IMPG2: variants seen among roughly 807,000 people sequenced by gnomAD.
The protein encoded by IMPG2 is interphotoreceptor matrix proteoglycan 2, also known as IPM 200.
Under a neutral mutation model 129.2 loss-of-function variants are expected in IMPG2, and 91 were observed. The ratio of observed to expected loss-of-function variants is 0.70; its 90% CI spans 0.59 to 0.84. The LOEUF is 0.84. IMPG2 is among the 40% of genes least tolerant of loss of function. The pLI is 0.00. For synonymous variants in IMPG2, 510 were observed against 517.7 expected (o/e 0.99, Z 0.20); for missense variants, 1,430 against 1,461.7 (o/e 0.98, Z 0.35).
At chr3:101,276,543 A>C (rs1706842016) in intron 5 of IMPG2, 121 bp downstream of exon 5, 1 of 712,234 alleles carries the variant, frequency 1.4e-6, no homozygotes, top group African/African-American at 1.8e-5. Flanking sequence ...TGAAAAACGT[A>C]TTAAAAAAGA....
At chr3:101,318,152 TAATAATAATA>T (rs1329588782) in intron 2 of IMPG2, among the ~76,000 whole-genome samples, 2 of 10,298 alleles carry the variant, frequency 1.9e-4, no homozygotes, top group Admixed American at 1.0e-3. Context: ...TAGTAATAAA[TAATAATAATA>T]ATAATAATAA....
At chr3:101,309,904 G>A (rs1193012352) in intron 2 of IMPG2, among the ~76,000 whole-genome samples, 1 of 152,178 alleles carries the variant, frequency 6.6e-6, no homozygotes, top group Non-Finnish European at 1.5e-5. Context: ...AATGGGCTGA[G>A]TGAAAGAAGC....
chr3:101,258,990 T>C (rs1009159364), intron 9 of IMPG2, among the ~76,000 whole-genome samples: 1 of 152,176 alleles, frequency 6.6e-6, no homozygotes, highest in Non-Finnish European at 1.5e-5. Context: ...CTTAGAGCAG[T>C]TAAAAGACTT....
intron 3 of IMPG2, among the ~76,000 whole-genome samples, chr3:101,295,178 G>C (rs567940389): frequency 6.6e-6 from 1 of 152,300 alleles, no homozygotes; most frequent in East Asian, 1.9e-4. Flanking sequence ...GAATGGTATT[G>C]CCTAGGTTTT....
intron 3 of IMPG2, among the ~76,000 whole-genome samples, chr3:101,298,263 A>G (rs929806067): frequency 3.0e-4 from 45 of 150,474 alleles, no homozygotes; most frequent in African/African-American, 1.1e-3. Flanking sequence ...TAAATTTTCC[A>G]TCCCTTTATT....
At chr3:101,296,523 T>C (rs1289618710) in intron 3 of IMPG2, among the ~76,000 whole-genome samples, 1 of 152,162 alleles carries the variant, frequency 6.6e-6, no homozygotes, top group Non-Finnish European at 1.5e-5. Context: ...GCCTAAAGTT[T>C]TCTTTTTTTG....
chr3:101,239,605 A>G (rs1293007123), intron 14 of IMPG2, among the ~76,000 whole-genome samples: 4 of 152,248 alleles, frequency 2.6e-5, no homozygotes, highest in African/African-American at 9.6e-5. Context: ...ATTCTACTAT[A>G]AAGACACATG....
At chr3:101,276,927 T>C (rs576724845) in intron 4 of IMPG2, among the ~76,000 whole-genome samples, 1 of 152,316 alleles carries the variant, frequency 6.6e-6, no homozygotes, top group Non-Finnish European at 1.5e-5. Context: ...TCACCCTACC[T>C]AGAATTCTTC....
intron 11 of IMPG2, among the ~76,000 whole-genome samples, chr3:101,247,474 G>A (rs938632450): frequency 1.5e-4 from 23 of 152,176 alleles, no homozygotes; most frequent in African/African-American, 5.3e-4. Flanking sequence ...GCACATGCCT[G>A]TAATCCCAAC....
intron 12 of IMPG2, among the ~76,000 whole-genome samples, chr3:101,245,169 C>G (rs1706462381): frequency 6.6e-6 from 1 of 152,046 alleles, no homozygotes; most frequent in Admixed American, 6.6e-5. Context: ...CTCATTTTGC[C>G]TGTTATGTTT....
intron 5 of IMPG2, 21 bp from the exon 6 acceptor site, chr3:101,275,766 A>G (rs1706834665): frequency 6.5e-7 from 1 of 1,542,772 alleles, no homozygotes; most frequent in Non-Finnish European, 9.0e-7. Context: ...AAGCAAAAAC[A>G]TATGCATGAA....
rs1175004868 is a variant in IMPG2 at position 101,319,744 on chromosome 3, T to C, written c.174A>G (p.Leu58=). 1.2e-6 allele frequency: 2 copies of C among 1,613,634 alleles called. No individual in the cohort carries two copies. Among genetic ancestry groups the C allele is most frequent in the South Asian group, 1.1e-5 (1 of 91,078 alleles). The change falls in exon 2 of 19, where the codon CTA becomes CTG. Residue 58 remains leucine (L), a synonymous_variant. Coordinates refer to ENST00000193391, the MANE Select transcript of IMPG2 (RefSeq NM_016247.4). ...CCAGAGGCTGTTTCTTTTTGGTAGC[T>C]AGAGAAAGGTCTGTTGATTCTTCAG... ...LLPEESTDLS[L]ATKKKQPLDR...
At position 101,226,243 on chromosome 3, in the gene IMPG2, A is replaced by ATATATATATATATATATATATATATATT. The variant is rs1706221505; in HGVS notation, c.*725_*726insAATATATATATATATATATATATATATA. 2 of 15,546 alleles carry ATATATATATATATATATATATATATATT rather than the reference A, an allele frequency of 1.3e-4. No homozygotes were observed. The highest frequency in any genetic ancestry group is 3.7e-4 in the African/African-American group (2 of 5,464). The allele number at this position is 15,546 out of a possible 1,614,324, so 1.0% of individuals were successfully genotyped here. A position where few individuals can be genotyped will look rare whatever the true frequency, so the allele number is the denominator to read the frequency against. On this transcript the variant is annotated 3_prime_UTR_variant, in exon 19 of 19. Transcript: ENST00000193391. ...CTAAACTTTATATATATATATATAT[A>ATATATATATATATATATATATATATATT]TATATATATATATATATATATATAT...
intron 2 of IMPG2, among the ~76,000 whole-genome samples, chr3:101,306,765 G>T (rs547820646): frequency 1.3e-5 from 2 of 152,070 alleles, no homozygotes; most frequent in Admixed American, 1.3e-4. Flanking sequence ...AAATATTAGG[G>T]CTAATACTAT....
chr3:101,291,001 A>G (rs1200416790), intron 4 of IMPG2, among the ~76,000 whole-genome samples: 3 of 152,182 alleles, frequency 2.0e-5, no homozygotes, highest in African/African-American at 7.2e-5. Context: ...AGAAGCCAGA[A>G]ACGACCTTAG....
At chr3:101,227,332 G>T (rs1315684059) in intron 18 of IMPG2, among the ~76,000 whole-genome samples, 5 of 152,134 alleles carry the variant, frequency 3.3e-5, no homozygotes. Flanking sequence ...CAGAGCCTGT[G>T]TATACTTTCT....
chr3:101,275,537 A>G, intron 6 of IMPG2, 126 bp downstream of exon 6: 1 of 735,796 alleles, frequency 1.4e-6, no homozygotes, highest in Non-Finnish European at 2.4e-6. Flanking sequence ...TGGTTTTAGG[A>G]TCCATGTCAT....
chr3:101,298,961 G>A (rs553570251), intron 3 of IMPG2, among the ~76,000 whole-genome samples: 1 of 152,274 alleles, frequency 6.6e-6, no homozygotes, highest in East Asian at 1.9e-4. Context: ...CTAGGTTGGG[G>A]AAGTTCTCCT....
At chr3:101,312,337 A>G (rs1379634153) in intron 2 of IMPG2, among the ~76,000 whole-genome samples, 1 of 152,116 alleles carries the variant, frequency 6.6e-6, no homozygotes, top group African/African-American at 2.4e-5. Flanking sequence ...AAAAAGACAA[A>G]TAACATAATT....
Sources: gnomAD v4.1 joint callset for allele counts (sites outside exome capture counted in the v4.1 genomes callset) on GRCh38, gnomAD v4.1.1 for gene constraint, MANE v1.5 for transcripts, NCBI Gene and HGNC (gene_info 2026-07-23, HGNC 2026-07-21) for gene names.